Variants in DPP3 observed in about 807,000 individuals in gnomAD.
The protein encoded by DPP3 is DPP III.
Under a neutral mutation model 89.8 loss-of-function variants are expected in DPP3, and 64 were observed. The observed-to-expected ratio is 0.71, with a 90% CI of 0.58 to 0.88. DPP3 has a LOEUF of 0.88. Ranked by LOEUF, DPP3 falls within the 40% of genes least tolerant of loss-of-function variation. DPP3 has a pLI of 0.00. For synonymous variants in DPP3, 377 were observed against 404.3 expected (o/e 0.93, Z 0.81); for missense variants, 835 against 972.5 (o/e 0.86, Z 1.88).
At position 66,493,548 on chromosome 11, in the gene DPP3, A is replaced by C. The variant is rs1314170063; in HGVS notation, c.1304A>C (p.Tyr435Ser). 6.2e-7 allele frequency: 1 copy of C among 1,613,088 alleles called. No individual in the cohort carries two copies. Among genetic ancestry groups the C allele is most frequent in the Non-Finnish European group, 8.5e-7 (1 of 1,179,896 alleles). Residue 435 changes from tyrosine to serine, a missense_variant, in exon 12 of 18, where the codon TAC becomes TCC. By Grantham distance (144) the Tyr-to-Ser change is moderately radical. Coordinates refer to ENST00000531863, the MANE Select transcript of DPP3 (RefSeq NM_130443.4). The stretch of plus-strand genomic sequence containing the variant: ...CTCTGCTTGTCTTGGCAGGACCTGT[A>C]CATCCTCTGGAAGGGGCCCTCCTTC... ...TFLEEDDKDL[Y>S]ILWKGPSFDV...
intron 16 of DPP3, 127 bp downstream of exon 16, chr11:66,497,604 C>T (rs1478073296): frequency 3.8e-6 from 5 of 1,305,034 alleles, no homozygotes; most frequent in Admixed American, 2.8e-5. Context: ...AGCCAGTAAA[C>T]ATGTAAGCGC....
chr11:66,508,930 A>C, intron 17 of DPP3, 149 bp from the exon 18 acceptor site: 1 of 950,710 alleles, frequency 1.1e-6, no homozygotes, highest in Non-Finnish European at 1.6e-6. Flanking sequence ...TAAATTAAGT[A>C]ATTAACCTAA....
rs748149714 is a variant in DPP3 at position 66,491,772 on chromosome 11, AG to A, written c.988+18del. 3 of 1,613,422 alleles carry A rather than the reference AG, an allele frequency of 1.9e-6. No individual in the cohort carries two copies. The highest frequency in any genetic ancestry group is 2.5e-6 in the Non-Finnish European group (3 of 1,179,766). On this transcript the variant is annotated intron_variant, in intron 9 of 17. Transcript: ENST00000531863. ...GAATTTGAAGGTAACTTCCTCAGGG[AG>A]GAGGTCAGTCACAGTCCCTTCCCCC...
intron 9 of DPP3, among the ~76,000 whole-genome samples, chr11:66,492,000 C>G (rs2134731399): frequency 6.6e-6 from 1 of 152,320 alleles, no homozygotes; most frequent in East Asian, 1.9e-4. Context: ...GATGTGAGCA[C>G]TGGGGCACAG....
chr11:66,494,795 G>A (rs1380486823), intron 12 of DPP3, among the ~76,000 whole-genome samples: 1 of 152,188 alleles, frequency 6.6e-6, no homozygotes, highest in Non-Finnish European at 1.5e-5. Context: ...CAGTGGGAGG[G>A]TGAGAATGAC....
chr11:66,508,679 C>T (rs1021912890), intron 17 of DPP3, among the ~76,000 whole-genome samples: 26 of 152,058 alleles, frequency 1.7e-4, no homozygotes, highest in African/African-American at 5.6e-4. Context: ...CATGCCACCA[C>T]GCCCAGCTAA....
Position 66,492,709 on chromosome 11 carries a change from T to C in DPP3, c.989-7T>C, listed in dbSNP as rs1323534856. The C allele has an allele frequency of 6.4e-7, 1 of 1,571,792 alleles. No homozygotes were observed. The highest frequency in any genetic ancestry group is 2.2e-5 in the East Asian group (1 of 44,562). ...TGCCAAGCCACAACCCCCTCCCTCC[T>C]CTGCAGGTTTCGTAGCTGTGGTGAA... On this transcript the variant is annotated splice_polypyrimidine_tract_variant and splice_region_variant and intron_variant, in intron 9 of 17. Coordinates refer to ENST00000531863, the MANE Select transcript of DPP3 (RefSeq NM_130443.4).
At chr11:66,502,204 C>T (rs1003104057) in intron 16 of DPP3, among the ~76,000 whole-genome samples, 1 of 151,968 alleles carries the variant, frequency 6.6e-6, no homozygotes, top group Non-Finnish European at 1.5e-5. Flanking sequence ...AAAGAAAGTA[C>T]AATATCAAGG....
chr11:66,488,066 G>T, intron 6 of DPP3, 59 bp downstream of exon 6: 1 of 1,480,476 alleles, frequency 6.8e-7, no homozygotes, highest in South Asian at 1.2e-5. Context: ...GACCTGGGTG[G>T]CTCAGGTCCT....
chr11:66,508,254 C>T (rs954258380), intron 17 of DPP3, among the ~76,000 whole-genome samples: 1 of 152,268 alleles, frequency 6.6e-6, no homozygotes, highest in African/African-American at 2.4e-5. Context: ...ATTCAGGGGA[C>T]CCTCAGAACA....
At chr11:66,492,607 G>C (rs936126854) in intron 9 of DPP3, 109 bp from the exon 10 acceptor site, 3 of 1,314,416 alleles carry the variant, frequency 2.3e-6, no homozygotes, top group Admixed American at 2.4e-5. Context: ...TTCCAGCCCA[G>C]GGTGACTGCA....
intron 12 of DPP3, among the ~76,000 whole-genome samples, chr11:66,494,633 C>T (rs1054967413): frequency 6.6e-6 from 1 of 152,212 alleles, no homozygotes; most frequent in Non-Finnish European, 1.5e-5. Context: ...TGAGAGACAG[C>T]GTCCACGGAG....
intron 17 of DPP3, among the ~76,000 whole-genome samples, chr11:66,505,959 G>GT (rs973737632): frequency 4.6e-5 from 7 of 151,136 alleles, no homozygotes; most frequent in African/African-American, 1.5e-4. Flanking sequence ...TTTTGTTTTT[G>GT]TTTTTTTTGA....
At chr11:66,504,028 G>A (rs1307926009) in intron 16 of DPP3, among the ~76,000 whole-genome samples, 3 of 152,228 alleles carry the variant, frequency 2.0e-5, no homozygotes, top group African/African-American at 7.2e-5. Flanking sequence ...TACCTTATTT[G>A]TAGGAGAGGA....
chr11:66,480,500 C>T (rs1457196538), intron 1 of DPP3, 35 bp downstream of exon 1: 1 of 1,473,900 alleles, frequency 6.8e-7, no homozygotes, highest in South Asian at 1.3e-5. Flanking sequence ...GGGGTCAAAG[C>T]GTGTCATCCC....
intron 12 of DPP3, 29 bp from the exon 13 acceptor site, chr11:66,495,177 C>T: frequency 6.2e-7 from 1 of 1,612,188 alleles, no homozygotes; most frequent in Non-Finnish European, 8.5e-7. Context: ...TTGGGGGCGC[C>T]TTTCCCTCAC....
At chr11:66,506,358 G>A (rs758975471) in intron 17 of DPP3, among the ~76,000 whole-genome samples, 3 of 152,048 alleles carry the variant, frequency 2.0e-5, no homozygotes, top group Non-Finnish European at 2.9e-5. Context: ...GGGTTCAAGC[G>A]ATTCTCCTGC....
At chr11:66,487,119 T>C in intron 4 of DPP3, 149 bp from the exon 5 acceptor site, 1 of 746,516 alleles carries the variant, frequency 1.3e-6, no homozygotes, top group Non-Finnish European at 2.3e-6. Flanking sequence ...GTTTGTTTGT[T>C]TTATAACTTT....
chr11:66,489,551 G>A (rs1855320322), intron 6 of DPP3, among the ~76,000 whole-genome samples: 1 of 152,222 alleles, frequency 6.6e-6, no homozygotes, highest in South Asian at 2.1e-4. Flanking sequence ...TTCGGGCAGT[G>A]GTTGAATGTG....
Sources: gnomAD v4.1 joint callset for allele counts (sites outside exome capture counted in the v4.1 genomes callset) on GRCh38, gnomAD v4.1.1 for gene constraint, MANE v1.5 for transcripts, NCBI Gene and HGNC (gene_info 2026-07-23, HGNC 2026-07-21) for gene names.